NEFH: variants seen among roughly 807,000 people sequenced by gnomAD.
NEFH encodes neurofilament heavy polypeptide.
In NEFH, 58 loss-of-function variants were observed where a neutral mutation model predicts 56.6. That is an observed-to-expected ratio of 1.03 (90% CI 0.83 to 1.28). NEFH has a LOEUF of 1.28. Ranked by LOEUF, NEFH falls within the 50% of genes most tolerant of loss-of-function variation. The pLI is 0.00. For missense variants in NEFH, 1,221 were observed against 1,307.6 expected (o/e 0.93, Z 1.02); for synonymous variants, 542 against 545.8 (o/e 0.99, Z 0.10).
Position 29,485,595 on chromosome 22 carries a change from G to T in NEFH, c.1084-128G>T. ...ATGAGGACCCTACAGCTCTGGCAGGGTTGGGGTTGGCCCCAGTGAGCCTGG... is the reference window on the plus strand; with the variant it reads ...ATGAGGACCCTACAGCTCTGGCAGGTTTGGGGTTGGCCCCAGTGAGCCTGG... On this transcript the variant is annotated intron_variant, in intron 2 of 3. Transcript: ENST00000310624. 3.5e-6 allele frequency: 4 copies of T among 1,144,808 alleles called. No homozygotes were observed. In the South Asian group the frequency reaches 5.3e-5, roughly 15 times the overall value. 70.9% of individuals were successfully genotyped at this position (1,144,808 alleles called of 1,614,324 possible).
At position 29,490,646 on chromosome 22, in the gene NEFH, A is replaced by T; in HGVS notation, c.3006A>T (p.Gln1002His). 5 of 1,614,126 alleles carry T rather than the reference A, an allele frequency of 3.1e-6. No individual in the cohort carries two copies. Among genetic ancestry groups the T allele is most frequent in the Non-Finnish European group, 4.2e-6 (5 of 1,180,026 alleles). Residue 1002 changes from glutamine (Q) to histidine (H), a missense_variant, in exon 4 of 4, where the codon CAA becomes CAT. By Grantham distance (24) the Gln-to-His change is conservative (BLOSUM62 0). Around this residue, in one of 4 missense-constraint regions of NEFH, gnomAD observed 301 missense variants for 346.6 expected, o/e 0.87. Coordinates refer to ENST00000310624, the MANE Select transcript of NEFH (RefSeq NM_021076.4). The stretch of plus-strand genomic sequence containing the variant: ...CTGAAAAATCCTCCAGCACAGACCA[A>T]AAAGACAGCAAGCCTCCAGAGAAGG... ...EKAEKSSSTD[Q>H]KDSKPPEKAT...
intron 1 of NEFH, 81 bp downstream of exon 1, chr22:29,481,226 G>T: frequency 7.3e-7 from 1 of 1,374,188 alleles, no homozygotes; most frequent in East Asian, 2.5e-5. Flanking sequence ...CCAAGGGGGC[G>T]CTGCCGGACT....
intron 3 of NEFH, among the ~76,000 whole-genome samples, chr22:29,487,487 C>A (rs2146398106): frequency 6.7e-6 from 1 of 148,670 alleles, no homozygotes; most frequent in African/African-American, 2.5e-5. Context: ...AAAAAAATAG[C>A]TGGGCATGGT....
Position 29,483,672 on chromosome 22 carries a change from A to AT in NEFH, c.1083+100dup, listed in dbSNP as rs1030213690. 2.6e-6 allele frequency: 3 copies of AT among 1,171,622 alleles called. No homozygotes were observed. The Admixed American group carries it at 6.2e-5, about 24-fold the overall frequency. The allele number at this position is 1,171,622 out of a possible 1,614,324, so 72.6% of individuals were successfully genotyped here. On this transcript the variant is annotated intron_variant, in intron 2 of 3. Transcript: ENST00000310624. ...ACTGAGTGGGGTTGTAGTGGTTAAG[A>AT]TTGTGGCCCTTGGAGTCAGACATAC...
chr22:29,485,939 T>C, intron 3 of NEFH, 92 bp downstream of exon 3: 1 of 1,424,344 alleles, frequency 7.0e-7, no homozygotes, highest in South Asian at 1.2e-5. Flanking sequence ...TTAGGCAGCC[T>C]ACCTGTCTTA....
rs1428597117 is a variant in NEFH at position 29,480,796 on chromosome 22, C to G, written c.534C>G (p.Ile178Met). ...RLEQEHLLED[I>M]AHVRQRLDDE... The stretch of plus-strand genomic sequence containing the variant: ...AGCAGGAGCACCTGCTCGAGGACAT[C>G]GCGCACGTGCGCCAGCGCCTAGACG... Residue 178 changes from isoleucine to methionine, a missense_variant, in exon 1 of 4, where the codon ATC becomes ATG. Ile to Met is a conservative substitution (Grantham distance 10). This residue lies in a region of NEFH where 640 missense variants were observed against 555.5 expected (regional missense o/e 1.15). Coordinates refer to ENST00000310624, the MANE Select transcript of NEFH (RefSeq NM_021076.4). 2.3e-5 allele frequency: 32 copies of G among 1,411,078 alleles called. No individual in the cohort carries two copies. Among genetic ancestry groups the G allele is most frequent in the African/African-American group, 3.1e-5 (2 of 65,562 alleles). 87.4% of individuals were successfully genotyped at this position (1,411,078 alleles called of 1,614,324 possible).
chr22:29,488,507 G>T (rs750231218), intron 3 of NEFH, among the ~76,000 whole-genome samples: 1 of 152,074 alleles, frequency 6.6e-6, no homozygotes, highest in Non-Finnish European at 1.5e-5. Flanking sequence ...TTCTCTTGAG[G>T]GCCATTTTTT....
chr22:29,481,002 G>A lies in NEFH; in HGVS notation c.740G>A (p.Gly247Asp). 4 of 1,531,878 alleles carry A rather than the reference G, an allele frequency of 2.6e-6. No individual in the cohort carries two copies. In the South Asian group the frequency reaches 3.6e-5, roughly 14 times the overall value. The allele number at this position is 1,531,878 out of a possible 1,614,324, so 94.9% of individuals were successfully genotyped here. A position where few individuals can be genotyped will look rare whatever the true frequency, so the allele number is the denominator to read the frequency against. ...EVGELLGQIQ[G>D]SGAAQAQMQA... ...GGCGAGCTGCTCGGCCAGATCCAGG[G>A]CTCCGGCGCCGCGCAGGCGCAGATG... The change falls in exon 1 of 4, where the codon GGC becomes GAC. Residue 247 changes from glycine to aspartate, a missense_variant. Around this residue, in one of 4 missense-constraint regions of NEFH, gnomAD observed 640 missense variants for 555.5 expected, o/e 1.15. Transcript: ENST00000310624.
chr22:29,485,102 C>G (rs1170151082), intron 2 of NEFH, among the ~76,000 whole-genome samples: 1 of 152,032 alleles, frequency 6.6e-6, no homozygotes, highest in East Asian at 1.9e-4. Context: ...TTCCAAAATG[C>G]TGGGATTACA....
chr22:29,490,243 A>C lies in NEFH; in HGVS notation c.2603A>C (p.Glu868Ala). 3.1e-6 allele frequency: 5 copies of C among 1,611,458 alleles called. No individual in the cohort carries two copies. The highest frequency in any genetic ancestry group is 4.2e-6 in the Non-Finnish European group (5 of 1,178,712). The change falls in exon 4 of 4, where the codon GAG (glutamate) becomes GCG (alanine). Residue 868 changes from glutamate to alanine, a missense_variant. Physicochemically the swap from Glu to Ala is moderately radical, Grantham distance 107. This residue lies in a region of NEFH where 301 missense variants were observed against 346.6 expected (regional missense o/e 0.87). Coordinates refer to ENST00000310624, the MANE Select transcript of NEFH (RefSeq NM_021076.4). ...AAGAAAGAGGAGGCACCCAAGAAGG[A>C]GGCTCCAAAGCCCAAGGTGGAGGAG... ...DSKKEEAPKK[E>A]APKPKVEEKK...
chr22:29,484,455 C>A (rs1377210092), intron 2 of NEFH, among the ~76,000 whole-genome samples: 1 of 152,042 alleles, frequency 6.6e-6, no homozygotes, highest in Non-Finnish European at 1.5e-5. Context: ...GCCTGGCCAA[C>A]ATGGTGAAAC....
In NEFH at chr22:29,490,705, G is replaced by C; in HGVS notation, c.*2G>C. 1.2e-6 allele frequency: 2 copies of C among 1,614,056 alleles called. No individual in the cohort carries two copies. Among genetic ancestry groups the C allele is most frequent in the Non-Finnish European group, 1.7e-6 (2 of 1,180,020 alleles). On this transcript the variant is annotated 3_prime_UTR_variant, in exon 4 of 4. Coordinates refer to ENST00000310624, the MANE Select transcript of NEFH (RefSeq NM_021076.4). ...GACAAGGCCGCCAAGGGGAAGTAAG[G>C]CAGGGAGAAAGGAACATCCGGAACA... is the stretch of plus-strand genomic sequence containing the variant.
At chr22:29,482,661 T>TCAGCCACAACCTG (rs2063018934) in intron 1 of NEFH, among the ~76,000 whole-genome samples, 1 of 152,206 alleles carries the variant, frequency 6.6e-6, no homozygotes, top group Non-Finnish European at 1.5e-5. Context: ...ATTAACTTGT[T>TCAGCCACAACCTG]CAGCCACAAA....
chr22:29,491,193 CG>C lies in NEFH; in HGVS notation c.*494del. ...TCTGGAAGAGCGGTCCAGGTGGGGC[CG>C]GGGACTGGCCACTGAATTATGCCAG... is the stretch of plus-strand genomic sequence containing the variant. On this transcript the variant is annotated 3_prime_UTR_variant, in exon 4 of 4. Transcript: ENST00000310624. 1.2e-5 allele frequency: 3 copies of C among 244,656 alleles called. No individual in the cohort carries two copies. Among genetic ancestry groups the C allele is most frequent in the Non-Finnish European group, 2.4e-5 (3 of 125,122 alleles). The allele number at this position is 244,656 out of a possible 1,614,324, so 15.2% of individuals were successfully genotyped here. A position where few individuals can be genotyped will look rare whatever the true frequency, so the allele number is the denominator to read the frequency against.
Position 29,489,872 on chromosome 22 carries a change from T to A in NEFH, c.2232T>A (p.Ala744=), listed in dbSNP as rs165923. 1 of 1,599,466 alleles carries A rather than the reference T, an allele frequency of 6.3e-7. No homozygotes were observed. Among genetic ancestry groups the A allele is most frequent in the Non-Finnish European group, 8.5e-7 (1 of 1,173,850 alleles). The change falls in exon 4 of 4, where the codon GCT becomes GCA. Residue 744 remains alanine, a synonymous_variant. Transcript: ENST00000310624. ...EKAKSPVKEE[A]KSPEKAKSPE... is the part of the protein sequence containing the mutation. The stretch of plus-strand genomic sequence containing the variant: ...CCAAGTCCCCAGTGAAGGAAGAAGC[T>A]AAGTCCCCAGAGAAGGCCAAGTCCC...
intron 3 of NEFH, among the ~76,000 whole-genome samples, chr22:29,487,799 TTC>T (rs2063052769): frequency 6.6e-6 from 1 of 152,238 alleles, no homozygotes. Flanking sequence ...GAGACAAGCA[TTC>T]TGCCAAGTCT....
Position 29,489,906 on chromosome 22 carries a change from G to T in NEFH, c.2266G>T (p.Ala756Ser). The T allele has an allele frequency of 6.2e-7, 1 of 1,613,670 alleles. No homozygotes were observed. The change falls in exon 4 of 4, where the codon GCC (alanine) becomes TCC (serine). Residue 756 changes from alanine to serine, a missense_variant. By Grantham distance (99) the Ala-to-Ser change is moderately conservative. This residue lies in a region of NEFH where 301 missense variants were observed against 346.6 expected (regional missense o/e 0.87). Transcript: ENST00000310624. ...AGAGAAGGCCAAGTCCCCAGAGAAGGCCAAGACTCTTGATGTGAAGTCTCC... is the reference window on the plus strand; with the variant it reads ...AGAGAAGGCCAAGTCCCCAGAGAAGTCCAAGACTCTTGATGTGAAGTCTCC... ...SPEKAKSPEK[A>S]KTLDVKSPEA...
intron 2 of NEFH, among the ~76,000 whole-genome samples, chr22:29,484,859 C>T (rs2063035066): frequency 6.6e-6 from 1 of 151,236 alleles, no homozygotes; most frequent in South Asian, 2.1e-4. Context: ...TTTTGAGACA[C>T]AGTCTCACGC....
Position 29,480,577 on chromosome 22 carries a change from C to T in NEFH, c.315C>T (p.Asn105=), listed in dbSNP as rs1248551643. 1 of 1,552,074 alleles carries T rather than the reference C, an allele frequency of 6.4e-7. No individual in the cohort carries two copies. The highest frequency in any genetic ancestry group is 8.6e-7 in the Non-Finnish European group (1 of 1,157,166). Residue 105 remains asparagine (N), a synonymous_variant, in exon 1 of 4, where the codon AAC becomes AAT. Transcript: ENST00000310624. The part of the protein sequence containing the change: ...RSEKEQLQAL[N]DRFAGYIDKV... ...AGAAGGAGCAGCTGCAGGCGCTGAA[C>T]GACCGCTTCGCCGGGTACATCGACA...
Sources: allele counts gnomAD v4.1 joint callset (sites outside exome capture counted in the v4.1 genomes callset), GRCh38; gene constraint gnomAD v4.1.1; regional missense constraint gnomAD v4.1.1; transcripts MANE v1.5; gene names NCBI Gene and HGNC (gene_info 2026-07-23, HGNC 2026-07-21).